The following CFHR4 variants were observed in gnomAD, a reference collection of about 807,000 sequenced individuals.
CFHR4 encodes the protein complement factor H related 4.
Under a neutral mutation model 69.3 loss-of-function variants are expected in CFHR4, and 64 were observed. The ratio of observed to expected loss-of-function variants is 0.92; its 90% CI spans 0.76 to 1.14. CFHR4 has a LOEUF of 1.14. CFHR4 is among the 50% of genes most tolerant of loss of function. The probability of loss-of-function intolerance (pLI) is 0.00; values close to 1 mark genes in which losing one functional copy is unlikely to be tolerated. For synonymous variants in CFHR4, 244 were observed against 237.0 expected, an observed-to-expected ratio of 1.03 and a Z score of -0.27; for missense variants, 636 against 684.9, an observed-to-expected ratio of 0.93 and a Z score of 0.80.
intron 9 of CFHR4, among the ~76,000 whole-genome samples, chr1:196,917,427 A>G (rs1658708437): frequency 6.6e-6 from 1 of 151,786 alleles, no homozygotes; most frequent in Admixed American, 6.6e-5. Flanking sequence ...TTAAAAAAAA[A>G]TTATAAATTT....
chr1:196,894,830 T>C (rs1466861039), intron 1 of CFHR4, among the ~76,000 whole-genome samples: 3 of 150,036 alleles, frequency 2.0e-5, no homozygotes, highest in Admixed American at 6.7e-5. Context: ...ATGGGGAGAG[T>C]TGCTTGAGGC....
At chr1:196,906,253 CTG>C (rs1657901817) in intron 3 of CFHR4, among the ~76,000 whole-genome samples, 1 of 151,376 alleles carries the variant, frequency 6.6e-6, no homozygotes, top group Non-Finnish European at 1.5e-5. Flanking sequence ...CAAAGTTACT[CTG>C]AGGTTTGGGA....
At chr1:196,897,233 C>T (rs1657348446) in intron 1 of CFHR4, among the ~76,000 whole-genome samples, 1 of 151,754 alleles carries the variant, frequency 6.6e-6, no homozygotes, top group Non-Finnish European at 1.5e-5. Flanking sequence ...CAGCTCAAAC[C>T]CCTAGGGGCA....
rs967724989 is a variant in CFHR4, at chr1:196,911,637, A to C, written c.998-1103A>C. Among the ~76,000 whole-genome samples the C allele has an allele frequency of 1.1e-3, 165 of 151,570 alleles. 7 individuals carry two copies. The highest frequency in any genetic ancestry group is 3.8e-3 in the African/African-American group (158 of 41,180). On this transcript the variant is annotated intron_variant, in intron 6 of 9. Transcript: ENST00000608469. ...ACATTCCATTATAGAAACCATATGAATATTATGATATAATTGAGATGAAAG... is the reference window on the plus strand; with the variant it reads ...ACATTCCATTATAGAAACCATATGACTATTATGATATAATTGAGATGAAAG...
intron 9 of CFHR4, among the ~76,000 whole-genome samples, chr1:196,916,325 A>C (rs2124978895): frequency 6.6e-6 from 1 of 151,980 alleles, no homozygotes; most frequent in South Asian, 2.1e-4. Context: ...ATGTCAGATA[A>C]CCTATTCCTA....
chr1:196,916,232 C>T (rs1243898311), intron 9 of CFHR4, among the ~76,000 whole-genome samples: 4 of 151,514 alleles, frequency 2.6e-5, no homozygotes, highest in Non-Finnish European at 4.4e-5. Context: ...ATTATGGCAA[C>T]AACAAGAAAA....
At position 196,917,284 on chromosome 1, in the gene CFHR4, T is replaced by C. The variant is rs759485726; in HGVS notation, c.1541-926T>C. 8.6e-5 allele frequency among the ~76,000 whole-genome samples: 13 copies of C among 151,998 alleles called. 1 individual carries two copies. Among genetic ancestry groups the C allele is most frequent in the Middle Eastern group, 3.4e-3 (1 of 294 alleles). On this transcript the variant is annotated intron_variant, in intron 9 of 9. Transcript: ENST00000608469. ...CATCAAAAATGAAAAGCTTGCTATG[T>C]AAGAACTGACATTTTTATCATGTAA...
chr1:196,894,954 A>G (rs1657215960), intron 1 of CFHR4, among the ~76,000 whole-genome samples: 1 of 151,372 alleles, frequency 6.6e-6, no homozygotes, highest in African/African-American at 2.4e-5. Context: ...CAGCTACTCA[A>G]GAGGCTGAAG....
chr1:196,913,965 A>G (rs1658429047), intron 7 of CFHR4, among the ~76,000 whole-genome samples: 1 of 151,598 alleles, frequency 6.6e-6, no homozygotes, highest in Non-Finnish European at 1.5e-5. Context: ...AAAAAGGTGT[A>G]TACTTCAATT....
chr1:196,905,433 C>T (rs1657857671), intron 3 of CFHR4, 143 bp downstream of exon 3: 5 of 1,226,134 alleles, frequency 4.1e-6, no homozygotes, highest in South Asian at 3.1e-5. Flanking sequence ...CATTCTGTGC[C>T]AAACTAAGTC....
At chr1:196,912,620 T>C in intron 6 of CFHR4, 120 bp from the exon 7 acceptor site, 1 of 1,190,476 alleles carries the variant, frequency 8.4e-7, no homozygotes, top group South Asian at 1.8e-5. Flanking sequence ...AGTTTTGCTG[T>C]TTTCAATTCA....
intron 9 of CFHR4, 73 bp from the exon 10 acceptor site, chr1:196,918,137 T>A: frequency 1.4e-6 from 2 of 1,433,504 alleles, no homozygotes; most frequent in Non-Finnish European, 1.9e-6. Context: ...CCTAAACTAC[T>A]CATTAGGATG....
intron 1 of CFHR4, among the ~76,000 whole-genome samples, chr1:196,890,062 T>G (rs1558234167): frequency 6.6e-6 from 1 of 151,494 alleles, no homozygotes; most frequent in Non-Finnish European, 1.5e-5. Context: ...ATAAATACAA[T>G]GATTTTACAC....
At chr1:196,915,777 T>A (rs2124977674) in intron 9 of CFHR4, among the ~76,000 whole-genome samples, 1 of 151,714 alleles carries the variant, frequency 6.6e-6, no homozygotes, top group Non-Finnish European at 1.5e-5. Flanking sequence ...TGACATCCAT[T>A]TATTGCGCAC....
In CFHR4 at chr1:196,888,546, C is replaced by G. The variant is rs1239468772; in HGVS notation, c.58+338C>G. Among the ~76,000 whole-genome samples, 3 of 151,094 alleles carry G rather than the reference C, an allele frequency of 2.0e-5. 1 individual carries two copies. Among genetic ancestry groups the G allele is most frequent in the African/African-American group, 7.3e-5 (3 of 41,000 alleles). Reference sequence around the variant, plus strand: ...CTAACCTTAAAATGTTCAGAATTTTCTTATTCATAATACAAGGGAAACTTT... The same window carrying G: ...CTAACCTTAAAATGTTCAGAATTTTGTTATTCATAATACAAGGGAAACTTT... On this transcript the variant is annotated intron_variant, in intron 1 of 9. Coordinates refer to ENST00000608469, the MANE Select transcript of CFHR4 (RefSeq NM_001201550.3).
chr1:196,912,511 A>G lies in CFHR4; in HGVS notation c.998-229A>G, dbSNP rs145740992. 5.8e-3 allele frequency among the ~76,000 whole-genome samples: 881 copies of G among 151,362 alleles called. 52 individuals are homozygous for G. Among genetic ancestry groups the G allele is most frequent in the African/African-American group, 0.021 (852 of 41,016 alleles). ...CCGCCAGAGCTCTGTTGACAGTCTC[A>G]AGGATTCTTTGCTTTTATTCTGCCC... On this transcript the variant is annotated intron_variant, in intron 6 of 9. Coordinates refer to ENST00000608469, the MANE Select transcript of CFHR4 (RefSeq NM_001201550.3).
At chr1:196,916,467 T>C (rs997157180) in intron 9 of CFHR4, among the ~76,000 whole-genome samples, 1 of 151,904 alleles carries the variant, frequency 6.6e-6, no homozygotes, top group African/African-American at 2.4e-5. Flanking sequence ...CTTTTACCTT[T>C]CATATTGACT....
At chr1:196,916,798 A>T (rs1309824601) in intron 9 of CFHR4, among the ~76,000 whole-genome samples, 1 of 151,524 alleles carries the variant, frequency 6.6e-6, no homozygotes, top group Non-Finnish European at 1.5e-5. Context: ...AAAGGATTAT[A>T]ATTATCTGAA....
intron 3 of CFHR4, among the ~76,000 whole-genome samples, 182 bp from the exon 4 acceptor site, chr1:196,906,678 AT>A (rs1448452940): frequency 6.6e-6 from 1 of 151,318 alleles, no homozygotes; most frequent in South Asian, 2.1e-4. Flanking sequence ...AGGGAAATGT[AT>A]TTTTCTCTTG....
Sources: allele counts gnomAD v4.1 joint callset (sites outside exome capture counted in the v4.1 genomes callset), GRCh38; gene constraint gnomAD v4.1.1; transcripts MANE v1.5; gene names NCBI Gene and HGNC (gene_info 2026-07-23, HGNC 2026-07-21).